PALS1: variants seen among roughly 807,000 people sequenced by gnomAD.
PALS1 encodes the protein protein associated with LIN7 1, MAGUK p55 family member.
Under a neutral mutation model 78.9 loss-of-function variants are expected in PALS1, and 31 were observed. The observed-to-expected ratio is 0.39, with a 90% confidence interval of 0.30 to 0.53. The LOEUF (loss-of-function observed/expected upper bound fraction) is 0.53. Among genes scored for constraint, PALS1 ranks in the 20% least tolerant of loss-of-function variants. PALS1 has a pLI of 0.67. For synonymous variants in PALS1, 276 were observed against 270.9 expected, an observed-to-expected ratio of 1.02 and a Z score of -0.18; for missense variants, 704 against 826.5, an observed-to-expected ratio of 0.85 and a Z score of 1.82.
chr14:67,300,341 T>TTTTTTTTTTTTTTTTG (rs2084914204), intron 4 of PALS1, among the ~76,000 whole-genome samples: 1 of 151,296 alleles, frequency 6.6e-6, no homozygotes, highest in African/African-American at 2.5e-5. Context: ...ATTACCTTTT[T>TTTTTTTTTTTTTTTTG]TTTTTTGAGA....
intron 14 of PALS1, among the ~76,000 whole-genome samples, chr14:67,330,738 C>A (rs12589983): frequency 0.16 from 23,618 of 152,154 alleles, 3,462 homozygotes; most frequent in East Asian, 0.42. Flanking sequence ...GATTATGGGC[C>A]TGAGCCCCCG....
rs541936107 is a variant in PALS1, at chr14:67,299,620, A to G, written c.577-1769A>G. ...GGCCAATGGAAAGGAGCAGTAGAATAAAAGAATAGCCTTTTAATTCCTTAA... is the reference window on the plus strand; with the variant it reads ...GGCCAATGGAAAGGAGCAGTAGAATGAAAGAATAGCCTTTTAATTCCTTAA... On this transcript the variant is annotated intron_variant, in intron 4 of 14. Coordinates refer to ENST00000261681, the MANE Select transcript of PALS1 (RefSeq NM_022474.4). 5.9e-5 allele frequency among the ~76,000 whole-genome samples: 9 copies of G among 152,344 alleles called. No individual in the cohort carries two copies. The East Asian group carries it at 1.7e-3, about 29-fold the overall frequency.
At chr14:67,275,256 T>C (rs1052832213) in intron 2 of PALS1, among the ~76,000 whole-genome samples, 9 of 152,120 alleles carry the variant, frequency 5.9e-5, no homozygotes, top group African/African-American at 2.4e-5. Flanking sequence ...GGCTGTGGGT[T>C]TGTCATAAAT....
At chr14:67,289,302 A>G (rs548031252) in intron 3 of PALS1, among the ~76,000 whole-genome samples, 1 of 152,306 alleles carries the variant, frequency 6.6e-6, no homozygotes, top group Admixed American at 6.5e-5. Context: ...TTTATAAAAA[A>G]GACTTTTCCC....
At chr14:67,298,635 A>G (rs1482034649) in intron 4 of PALS1, among the ~76,000 whole-genome samples, 2 of 152,216 alleles carry the variant, frequency 1.3e-5, no homozygotes, top group Non-Finnish European at 2.9e-5. Flanking sequence ...TTTAGATGCT[A>G]TGAGTACATT....
chr14:67,285,101 A>G (rs2084665811), intron 3 of PALS1, among the ~76,000 whole-genome samples: 1 of 152,124 alleles, frequency 6.6e-6, no homozygotes, highest in African/African-American at 2.4e-5. Context: ...CTACTTAGTA[A>G]TATTAAGTTC....
At chr14:67,274,874 C>A (rs2084473635) in intron 2 of PALS1, among the ~76,000 whole-genome samples, 1 of 152,112 alleles carries the variant, frequency 6.6e-6, no homozygotes, top group South Asian at 2.1e-4. Context: ...ATTTTATTCT[C>A]TTTGTAGCAA....
At chr14:67,282,332 A>G (rs2084618597) in intron 3 of PALS1, among the ~76,000 whole-genome samples, 1 of 152,126 alleles carries the variant, frequency 6.6e-6, no homozygotes, top group African/African-American at 2.4e-5. Flanking sequence ...AGCCTTTTTC[A>G]CATCTAGAAA....
Position 67,312,510 on chromosome 14 carries a change from C to T in PALS1, c.1042-17C>T. On this transcript the variant is annotated splice_polypyrimidine_tract_variant and intron_variant, in intron 8 of 14. Coordinates refer to ENST00000261681, the MANE Select transcript of PALS1 (RefSeq NM_022474.4). ...ATATTGCCATTTATTGTTGTTTTTGCCCTTTTTATCTTTTAGATCCATGTA... is the reference window on the plus strand; with the variant it reads ...ATATTGCCATTTATTGTTGTTTTTGTCCTTTTTATCTTTTAGATCCATGTA... The T allele has an allele frequency of 2.0e-6, 3 of 1,490,230 alleles. No individual in the cohort carries two copies. Among genetic ancestry groups the T allele is most frequent in the Non-Finnish European group, 2.7e-6 (3 of 1,112,158 alleles). The allele number at this position is 1,490,230 out of a possible 1,614,324, so 92.3% of individuals were successfully genotyped here. A position where few individuals can be genotyped will look rare whatever the true frequency, so the allele number is the denominator to read the frequency against.
Position 67,279,496 on chromosome 14 carries a change from G to A in PALS1, c.326G>A (p.Gly109Glu). 2.5e-6 allele frequency: 4 copies of A among 1,575,876 alleles called. No homozygotes were observed. The highest frequency in any genetic ancestry group is 3.4e-6 in the Non-Finnish European group (4 of 1,163,504). The change falls in exon 3 of 15, where the codon GGA becomes GAA. Residue 109 changes from glycine to glutamate, a missense_variant. Transcript: ENST00000261681. ...AACCCTATGTTTGATACAGAGGAAG[G>A]AATTGTCTTAGAAAGTCCTCATTAT... Reference protein sequence around the residue: ...IDNPMFDTEEGIVLESPHYAV... With the variant: ...IDNPMFDTEEEIVLESPHYAV...
chr14:67,329,710 C>G (rs1158508450), intron 14 of PALS1, among the ~76,000 whole-genome samples: 1 of 152,248 alleles, frequency 6.6e-6, no homozygotes, highest in Non-Finnish European at 1.5e-5. Flanking sequence ...GAAATCCTGT[C>G]TCTACTAAAA....
rs568328938 is a variant in PALS1 at position 67,283,533 on chromosome 14, C to T, written c.367+3996C>T. Among the ~76,000 whole-genome samples the T allele has an allele frequency of 1.2e-4, 18 of 152,226 alleles. No homozygotes were observed. In the East Asian group the frequency reaches 2.7e-3, roughly 23 times the overall value. ...CTGAGAAGTTGATTATTTTTACTAT[C>T]AAATTTTTGTTTAGCTATTGTTACA... On this transcript the variant is annotated intron_variant, in intron 3 of 14. Transcript: ENST00000261681.
At chr14:67,313,592 G>A (rs549643848) in intron 9 of PALS1, among the ~76,000 whole-genome samples, 9 of 152,074 alleles carry the variant, frequency 5.9e-5, no homozygotes, top group Non-Finnish European at 1.0e-4. Context: ...ATAAGCTATC[G>A]GAGAAGGCAA....
intron 14 of PALS1, among the ~76,000 whole-genome samples, chr14:67,327,513 AAGTTCTAG>A (rs2085376936): frequency 1.3e-5 from 2 of 151,482 alleles, no homozygotes; most frequent in African/African-American, 2.4e-5. Flanking sequence ...ATTATACTTT[AAGTTCTAG>A]GGTACATGTG....
chr14:67,268,238 A>G (rs2084359048), intron 1 of PALS1, among the ~76,000 whole-genome samples: 1 of 152,132 alleles, frequency 6.6e-6, no homozygotes. Context: ...GTCACTTTTT[A>G]ATTTTAGCCA....
At position 67,312,692 on chromosome 14, in the gene PALS1, C is replaced by G. The variant is rs766476120; in HGVS notation, c.1207C>G (p.Leu403Val). 2.5e-6 allele frequency: 4 copies of G among 1,608,956 alleles called. No individual in the cohort carries two copies. Among genetic ancestry groups the G allele is most frequent in the East Asian group, 2.2e-5 (1 of 44,786 alleles). ...YREGDEDNQP[L>V]AGLVPGKSFQ... is the part of the protein sequence containing the mutation. ...GGAAGGGGACGAAGATAATCAACCT[C>G]TAGCCGGGCTTGTTCCAGGTAAGAC... is the stretch of plus-strand genomic sequence containing the variant. Residue 403 changes from leucine (L) to valine (V), a missense_variant, in exon 9 of 15, where the codon CTA becomes GTA. Leu to Val is a conservative substitution (Grantham distance 32). Transcript: ENST00000261681.
rs1259266850 is a variant in PALS1, at chr14:67,302,622, T to C, written c.963+51T>C. The C allele has an allele frequency of 3.1e-6, 4 of 1,276,906 alleles. No homozygotes were observed. In the African/African-American group the frequency reaches 4.6e-5, roughly 15 times the overall value. 79.1% of individuals were successfully genotyped at this position (1,276,906 alleles called of 1,614,324 possible). On this transcript the variant is annotated intron_variant, in intron 7 of 14. Transcript: ENST00000261681. ...ATTGATAGCTTTTAGAAAGCTCTTA[T>C]TAGACTTTAGAATAAAATATTTTTA...
At chr14:67,276,658 C>A (rs962296267) in intron 2 of PALS1, among the ~76,000 whole-genome samples, 4 of 152,122 alleles carry the variant, frequency 2.6e-5, no homozygotes, top group African/African-American at 9.7e-5. Flanking sequence ...CATTTATTTT[C>A]TTTGCTTTCT....
At chr14:67,316,157 T>C (rs1013054962) in intron 9 of PALS1, among the ~76,000 whole-genome samples, 1 of 152,194 alleles carries the variant, frequency 6.6e-6, no homozygotes, top group Non-Finnish European at 1.5e-5. Context: ...TGAAGCCACT[T>C]GTATCCTATA....
Sources: gnomAD v4.1 joint callset for allele counts (sites outside exome capture counted in the v4.1 genomes callset) on GRCh38, gnomAD v4.1.1 for gene constraint, MANE v1.5 for transcripts, NCBI Gene and HGNC (gene_info 2026-07-23, HGNC 2026-07-21) for gene names.